The following CAST variants were observed in gnomAD, a reference collection of about 807,000 sequenced individuals.
CAST encodes MIR583 host.
Under a neutral mutation model 119.6 loss-of-function variants are expected in CAST, and 76 were observed. The observed-to-expected ratio is 0.64, with a 90% CI of 0.53 to 0.77. The LOEUF is 0.77. CAST is among the 30% of genes least tolerant of loss of function. The pLI is 0.00. For missense variants in CAST, 953 were observed against 946.5 expected (o/e 1.01, Z -0.09); for synonymous variants, 319 against 331.6 (o/e 0.96, Z 0.41).
chr5:96,518,892 C>A, the CAST span, among the ~76,000 whole-genome samples: 1 of 151,990 alleles, frequency 6.6e-6, no homozygotes. Flanking sequence ...GTGGTGGGTG[C>A]CTGTAATCCC....
upstream of CAST, among the ~76,000 whole-genome samples, chr5:96,522,171 A>G (rs1745529003): frequency 6.6e-6 from 1 of 152,118 alleles, no homozygotes; most frequent in Admixed American, 6.6e-5. Context: ...ATGTTTCTTC[A>G]GAAGGGAGGA....
chr5:96,394,455 C>A, the CAST span, among the ~76,000 whole-genome samples: 1 of 152,098 alleles, frequency 6.6e-6, no homozygotes, highest in African/African-American at 2.4e-5. Context: ...TTTCTTTCTG[C>A]AAAATGGATA....
chr5:96,059,132 C>T, the CAST span, among the ~76,000 whole-genome samples: 1 of 152,098 alleles, frequency 6.6e-6, no homozygotes, highest in Admixed American at 6.6e-5. Context: ...GAGACTTTTG[C>T]TTTGCAAAAC....
chr5:96,410,126 G>A, the CAST span, among the ~76,000 whole-genome samples: 1 of 152,032 alleles, frequency 6.6e-6, no homozygotes, highest in Non-Finnish European at 1.5e-5. Context: ...GCCCCTAAAT[G>A]CCCCTCCATC....
At chr5:96,058,979 G>A in the CAST span, among the ~76,000 whole-genome samples, 1 of 152,044 alleles carries the variant, frequency 6.6e-6, no homozygotes, top group African/African-American at 2.4e-5. Context: ...CAAGGCCCAG[G>A]CTGAAAAAAC....
At chr5:96,022,931 T>C in the CAST span, among the ~76,000 whole-genome samples, 5 of 152,218 alleles carry the variant, frequency 3.3e-5, no homozygotes, top group African/African-American at 1.2e-4. Flanking sequence ...TAAAGTCAAC[T>C]GATTGTTTGT....
chr5:96,112,756 C>G, the CAST span, among the ~76,000 whole-genome samples: 11 of 152,266 alleles, frequency 7.2e-5, no homozygotes, highest in Non-Finnish European at 1.5e-4. Flanking sequence ...CTATGATGAG[C>G]TGAAATGTGC....
the CAST span, among the ~76,000 whole-genome samples, chr5:96,437,944 G>C: frequency 2.0e-5 from 3 of 152,150 alleles, no homozygotes; most frequent in Non-Finnish European, 4.4e-5. Context: ...ACTACCTCCA[G>C]TCAAGCATGC....
intron 9 of CAST, among the ~76,000 whole-genome samples, chr5:96,733,407 A>G (rs538533333): frequency 1.3e-5 from 2 of 152,334 alleles, no homozygotes; most frequent in African/African-American, 4.8e-5. Context: ...GCTAAAATAG[A>G]TTTTTAAATG....
intron 1 of CAST, among the ~76,000 whole-genome samples, chr5:96,635,029 G>T (rs1747868952): frequency 1.3e-5 from 2 of 152,198 alleles, no homozygotes; most frequent in Admixed American, 6.5e-5. Context: ...TCTCAGAAGA[G>T]TATGACTAGA....
At chr5:96,550,088 G>A (rs1164929617) in intron 1 of CAST, among the ~76,000 whole-genome samples, 4 of 152,206 alleles carry the variant, frequency 2.6e-5, no homozygotes, top group Admixed American at 6.5e-5. Flanking sequence ...CTCTGATAAT[G>A]GTCAGACTGC....
chr5:96,747,519 G>A (rs1764026800), intron 18 of CAST, 127 bp downstream of exon 18: 3 of 569,074 alleles, frequency 5.3e-6, no homozygotes, highest in Non-Finnish European at 9.4e-6. Flanking sequence ...GAGGAAAGGG[G>A]AACTTCTGAT....
the CAST span, among the ~76,000 whole-genome samples, chr5:96,394,361 T>C: frequency 1.3e-5 from 2 of 152,224 alleles, no homozygotes; most frequent in African/African-American, 2.4e-5. Flanking sequence ...GTGTGATCTA[T>C]CGCTCCCCTT....
At chr5:96,370,512 C>G in the CAST span, among the ~76,000 whole-genome samples, 1 of 152,146 alleles carries the variant, frequency 6.6e-6, no homozygotes, top group Non-Finnish European at 1.5e-5. Flanking sequence ...CAGGGCCAGA[C>G]TGGTTCTTTA....
At chr5:96,305,186 C>G in the CAST span, among the ~76,000 whole-genome samples, 1 of 152,054 alleles carries the variant, frequency 6.6e-6, no homozygotes, top group Non-Finnish European at 1.5e-5. Flanking sequence ...AGTTGGATTC[C>G]TAGGTATTTT....
At chr5:96,731,410 G>A (rs1159286087) in intron 9 of CAST, among the ~76,000 whole-genome samples, 1 of 149,334 alleles carries the variant, frequency 6.7e-6, no homozygotes, top group Admixed American at 6.6e-5. Context: ...TATAAGATGA[G>A]AAGTTATCTA....
At chr5:96,445,445 C>A in the CAST span, among the ~76,000 whole-genome samples, 1 of 152,318 alleles carries the variant, frequency 6.6e-6, no homozygotes, top group East Asian at 1.9e-4. Flanking sequence ...CAGAAAAGAA[C>A]TGGACTCATT....
At chr5:96,287,208 A>C in the CAST span, among the ~76,000 whole-genome samples, 1 of 152,030 alleles carries the variant, frequency 6.6e-6, no homozygotes, top group Non-Finnish European at 1.5e-5. Context: ...TTATTGGCAT[A>C]AGTGAGAGAA....
intron 1 of CAST, among the ~76,000 whole-genome samples, chr5:96,549,471 G>A (rs1350596027): frequency 6.6e-6 from 1 of 152,228 alleles, no homozygotes; most frequent in East Asian, 1.9e-4. Context: ...TTCCCAGTGA[G>A]ATTGACACAG....
Sources: gnomAD v4.1 joint callset for allele counts (sites outside exome capture counted in the v4.1 genomes callset) on GRCh38, gnomAD v4.1.1 for gene constraint, MANE v1.5 for transcripts, NCBI Gene and HGNC (gene_info 2026-07-23, HGNC 2026-07-21) for gene names.